The following HERC4 variants were observed in gnomAD, a reference collection of about 807,000 sequenced individuals.
HERC4 encodes probable E3 ubiquitin-protein ligase HERC4.
In HERC4, 28 loss-of-function variants were observed where a neutral mutation model predicts 124.3. That is an observed-to-expected ratio of 0.23 (90% CI 0.17 to 0.31). The LOEUF is 0.31. Ranked by LOEUF, HERC4 falls within the 10% of genes least tolerant of loss-of-function variation. The probability of loss-of-function intolerance (pLI) is 1.00; values close to 1 mark genes in which losing one functional copy is unlikely to be tolerated. For missense variants in HERC4, 713 were observed against 1,229.3 expected (o/e 0.58, Z 6.28); for synonymous variants, 407 against 421.5 (o/e 0.97, Z 0.42).
chr10:68,032,181 G>C (rs482806), intron 7 of HERC4, among the ~76,000 whole-genome samples: 57,412 of 152,050 alleles, frequency 0.38, 11,720 homozygotes, highest in East Asian at 0.85. Flanking sequence ...ATCTGGTAAA[G>C]GTTAACTGAA....
chr10:68,006,487 T>C (rs1232716388), intron 9 of HERC4, among the ~76,000 whole-genome samples: 1 of 151,770 alleles, frequency 6.6e-6, no homozygotes, highest in Non-Finnish European at 1.5e-5. Context: ...TTCTCCTGTC[T>C]CAGCCTCCTG....
chr10:68,062,595 T>G (rs1224994346), intron 3 of HERC4, among the ~76,000 whole-genome samples: 1 of 145,608 alleles, frequency 6.9e-6, no homozygotes, highest in Non-Finnish European at 1.5e-5. Context: ...CTACTAAAAA[T>G]ACAAAAAAAA....
chr10:67,951,088 T>C (rs1373202490), intron 19 of HERC4, among the ~76,000 whole-genome samples: 1 of 152,160 alleles, frequency 6.6e-6, no homozygotes, highest in Non-Finnish European at 1.5e-5. Context: ...CAAGGTGAGA[T>C]AGAACTTGAA....
intron 15 of HERC4, among the ~76,000 whole-genome samples, chr10:67,979,097 A>T (rs1278807832): frequency 2.0e-5 from 3 of 152,194 alleles, no homozygotes; most frequent in African/African-American, 7.2e-5. Flanking sequence ...CTGTTAAGTT[A>T]TCAAGACCAT....
At position 68,035,958 on chromosome 10, in the gene HERC4, G is replaced by A. The variant is rs144852406; in HGVS notation, c.464-1772C>T. Among the ~76,000 whole-genome samples, 201 of 152,252 alleles carry A rather than the reference G, an allele frequency of 1.3e-3. 1 individual carries two copies. The highest frequency in any genetic ancestry group is 2.3e-3 in the Non-Finnish European group (155 of 68,014). Reference sequence around the variant, plus strand: ...TTGAATGACTATATCACGAAGGCTAGTAAGTAGTATACTGCTTATTACTGT... The same window carrying A: ...TTGAATGACTATATCACGAAGGCTAATAAGTAGTATACTGCTTATTACTGT... On this transcript the variant is annotated intron_variant, in intron 5 of 24. Coordinates refer to ENST00000373700, the MANE Select transcript of HERC4 (RefSeq NM_015601.4).
intron 16 of HERC4, 63 bp downstream of exon 16, chr10:67,966,620 G>A: frequency 6.7e-7 from 1 of 1,490,686 alleles, no homozygotes; most frequent in South Asian, 1.3e-5. Context: ...CCAAGCAATT[G>A]TTTCTTTTTT....
At chr10:67,933,440 C>A (rs1237074920) in intron 22 of HERC4, among the ~76,000 whole-genome samples, 1 of 152,256 alleles carries the variant, frequency 6.6e-6, no homozygotes, top group South Asian at 2.1e-4. Context: ...ATTTGAACCA[C>A]AATCTTATTC....
intron 8 of HERC4, among the ~76,000 whole-genome samples, chr10:68,023,707 G>C (rs1373066073): frequency 6.6e-6 from 1 of 152,054 alleles, no homozygotes; most frequent in Non-Finnish European, 1.5e-5. Context: ...GGTAAATTTT[G>C]TTGTATGTAT....
chr10:68,074,698 A>G (rs1490008), intron 1 of HERC4: 14,910 of 152,426 alleles, frequency 0.098, 1,109 homozygotes, highest in East Asian at 0.4. Flanking sequence ...CGCTCGCAAC[A>G]GCTTCAGAGG....
In HERC4 at chr10:68,014,084, G is replaced by A. The variant is rs866255; in HGVS notation, c.1011C>T (p.Ser337=). The part of the protein sequence containing the change: ...LGTGSTSNRK[S]PFTVKGNWYP... ...ACCAATTTCCTTTTACAGTAAAGGG[G>A]CTTTTCCTGTTGCTTGTTGAACCGG... Residue 337 remains serine, a synonymous_variant, in exon 9 of 25, where the codon AGC becomes AGT. Coordinates refer to ENST00000373700, the MANE Select transcript of HERC4 (RefSeq NM_015601.4). 595,184 of 1,611,320 alleles carry A rather than the reference G, an allele frequency of 0.37. 119,154 individuals are homozygous for A. Among genetic ancestry groups the A allele is most frequent in the East Asian group, 0.84 (37,596 of 44,840 alleles).
intron 9 of HERC4, among the ~76,000 whole-genome samples, chr10:68,008,853 G>C (rs2037750452): frequency 6.6e-6 from 1 of 152,134 alleles, no homozygotes; most frequent in African/African-American, 2.4e-5. Context: ...TTTGGTTCCA[G>C]ACAACTGCAA....
At chr10:67,995,031 C>G (rs2036783305) in intron 9 of HERC4, 1 of 244,680 alleles carries the variant, frequency 4.1e-6, no homozygotes, top group Non-Finnish European at 8.1e-6. Flanking sequence ...GTTTGAGAAA[C>G]CTAGTCATTT....
chr10:67,940,949 C>G lies in HERC4; in HGVS notation c.2494G>C (p.Asp832His), dbSNP rs2032835328. Residue 832 changes from aspartate to histidine, a missense_variant, in exon 20 of 25, where the codon GAT becomes CAT. Asp to His is a moderately conservative substitution (Grantham distance 81). Coordinates refer to ENST00000373700, the MANE Select transcript of HERC4 (RefSeq NM_015601.4). Reference protein sequence around the residue: ...SLDDLKELMPDVGRSMQQLLD... With the variant: ...SLDDLKELMPHVGRSMQQLLD... The stretch of plus-strand genomic sequence containing the variant: ...TTTTTTCCAACTAACCTCCCAACAT[C>G]AGGCATTAGTTCTTTCAAATCATCC... 1 of 1,609,754 alleles carries G rather than the reference C, an allele frequency of 6.2e-7. No homozygotes were observed. The highest frequency in any genetic ancestry group is 8.5e-7 in the Non-Finnish European group (1 of 1,178,832).
At position 68,072,872 on chromosome 10, in the gene HERC4, T is replaced by C. The variant is rs749296095; in HGVS notation, c.226+11A>G. 2 of 1,532,996 alleles carry C rather than the reference T, an allele frequency of 1.3e-6. No homozygotes were observed. Among genetic ancestry groups the C allele is most frequent in the Non-Finnish European group, 8.8e-7 (1 of 1,139,084 alleles). The allele number at this position is 1,532,996 out of a possible 1,614,324, so 95.0% of individuals were successfully genotyped here. A position where few individuals can be genotyped will look rare whatever the true frequency, so the allele number is the denominator to read the frequency against. The stretch of plus-strand genomic sequence containing the variant: ...TTAAAAATAGCAAATTTTAAAAACA[T>C]TTCAACTTACCTGGTTTCTTTCTGG... On this transcript the variant is annotated intron_variant, in intron 3 of 24. Transcript: ENST00000373700.
rs1564609898 is a variant in HERC4, at chr10:68,059,843, T to TATTATATATCATATTATATATTATA, written c.226+13039_226+13040insTATAATATATAATATGATATATAAT. Reference sequence around the variant, plus strand: ...TATATCATAATATTATATATTATAATATATTATATATCATAATATTATATA... The same window carrying TATTATATATCATATTATATATTATA: ...TATATCATAATATTATATATTATAATATTATATATCATATTATATATTATAATATTATATATCATAATATTATATA... On this transcript the variant is annotated intron_variant, in intron 3 of 24. Coordinates refer to ENST00000373700, the MANE Select transcript of HERC4 (RefSeq NM_015601.4). Among the ~76,000 whole-genome samples, 236 of 26,306 alleles carry TATTATATATCATATTATATATTATA rather than the reference T, an allele frequency of 9.0e-3. 79 individuals are homozygous for TATTATATATCATATTATATATTATA. The African/African-American group carries it at 0.092, about 10-fold the overall frequency. The allele number at this position is 26,306 out of a possible 152,430, so 17.3% of individuals were successfully genotyped here.
intron 8 of HERC4, among the ~76,000 whole-genome samples, chr10:68,016,456 G>A (rs775847783): frequency 2.3e-4 from 35 of 152,104 alleles, no homozygotes; most frequent in Non-Finnish European, 4.4e-4. Context: ...GGATTCAAGC[G>A]AGTCTCCTGC....
At chr10:67,995,994 C>T (rs1454303829) in intron 9 of HERC4, 1 of 294,244 alleles carries the variant, frequency 3.4e-6, no homozygotes, top group Non-Finnish European at 6.7e-6. Context: ...CACTCTTTCT[C>T]TATCTGAAAG....
intron 3 of HERC4, among the ~76,000 whole-genome samples, chr10:68,071,747 T>A (rs1056975535): frequency 6.6e-6 from 1 of 152,148 alleles, no homozygotes; most frequent in Non-Finnish European, 1.5e-5. Context: ...TTACTTTGAG[T>A]TCTGCAAGAA....
intron 3 of HERC4, among the ~76,000 whole-genome samples, chr10:68,058,765 A>G (rs2040680667): frequency 6.6e-6 from 1 of 152,096 alleles, no homozygotes; most frequent in African/African-American, 2.4e-5. Flanking sequence ...TAGGCACAGA[A>G]AGGTTAAGCA....
Sources: allele counts gnomAD v4.1 joint callset (sites outside exome capture counted in the v4.1 genomes callset), GRCh38; gene constraint gnomAD v4.1.1; transcripts MANE v1.5; gene names NCBI Gene and HGNC (gene_info 2026-07-23, HGNC 2026-07-21).